Variants in USP33 observed in about 807,000 individuals in gnomAD.
The protein encoded by USP33 is ubiquitin carboxyl-terminal hydrolase 33.
In USP33, 46 loss-of-function variants were observed where a neutral mutation model predicts 124.2. That is an observed-to-expected ratio of 0.37 (90% CI 0.29 to 0.47). The LOEUF (loss-of-function observed/expected upper bound fraction) is 0.47, where lower values mean the gene tolerates loss of function less well. Ranked by LOEUF, USP33 falls within the 20% of genes least tolerant of loss-of-function variation. The pLI, the probability that USP33 is intolerant of heterozygous loss-of-function variation, is 0.99. For missense variants in USP33, 851 were observed against 1,070.6 expected (o/e 0.79, Z 2.86); for synonymous variants, 350 against 352.3 (o/e 0.99, Z 0.07).
intron 21 of USP33, among the ~76,000 whole-genome samples, chr1:77,702,900 TAGTAGTGTGTA>T (rs145387818): frequency 0.013 from 1,964 of 151,990 alleles, 38 homozygotes; most frequent in African/African-American, 0.044. Flanking sequence ...AATCTAATTG[TAGTAGTGTGTA>T]AGTAGTGTGT....
At chr1:77,708,182 T>G (rs1674839878) in intron 21 of USP33, among the ~76,000 whole-genome samples, 2 of 152,192 alleles carry the variant, frequency 1.3e-5, no homozygotes, top group South Asian at 4.1e-4. Context: ...TGAACATCAT[T>G]TTCATGTATT....
intron 22 of USP33, among the ~76,000 whole-genome samples, 159 bp downstream of exon 22, chr1:77,701,210 C>A (rs1471773216): frequency 1.3e-5 from 2 of 152,098 alleles, no homozygotes; most frequent in Non-Finnish European, 2.9e-5. Context: ...AATTTACAAC[C>A]AACAGAATAT....
chr1:77,739,782 C>T (rs1421954853), intron 4 of USP33, among the ~76,000 whole-genome samples: 1 of 152,162 alleles, frequency 6.6e-6, no homozygotes, highest in Non-Finnish European at 1.5e-5. Flanking sequence ...ACACAAATGA[C>T]ATGAGTCAAG....
intron 15 of USP33, 33 bp downstream of exon 15, chr1:77,721,139 C>T (rs763155378): frequency 2.5e-6 from 4 of 1,612,586 alleles, no homozygotes; most frequent in Non-Finnish European, 3.4e-6. Context: ...AAATACACAA[C>T]ATGCAATTAA....
chr1:77,752,803 C>T (rs1345893818), intron 1 of USP33, among the ~76,000 whole-genome samples: 4 of 152,016 alleles, frequency 2.6e-5, no homozygotes, highest in Admixed American at 6.6e-5. Context: ...ATTGGCTGGG[C>T]GTGGTGGCTC....
At chr1:77,729,781 A>T in intron 9 of USP33, 79 bp downstream of exon 9, 1 of 1,363,988 alleles carries the variant, frequency 7.3e-7, no homozygotes, top group Non-Finnish European at 1.0e-6. Flanking sequence ...CCCAAAAGAT[A>T]AGTAGACCCA....
chr1:77,709,407 C>A (rs968479736), intron 21 of USP33, among the ~76,000 whole-genome samples: 1 of 151,920 alleles, frequency 6.6e-6, no homozygotes, highest in Non-Finnish European at 1.5e-5. Flanking sequence ...CCTAGCTACT[C>A]GGGATGCTGA....
In USP33 at chr1:77,722,064, G is replaced by A. The variant is rs1676624587; in HGVS notation, c.1522C>T (p.Pro508Ser). The change falls in exon 13 of 24, where the codon CCA (proline) becomes TCA (serine). Residue 508 changes from proline to serine, a missense_variant. By Grantham distance (74) the Pro-to-Ser change is moderately conservative. This residue lies in a region of USP33 where 281 missense variants were observed against 425.0 expected (regional missense o/e 0.66). Coordinates refer to ENST00000370794, the MANE Select transcript of USP33 (RefSeq NM_201624.3). Reference protein sequence around the residue: ...KAGSCGEAYAPQGWIAFFMEY... With the variant: ...KAGSCGEAYASQGWIAFFMEY... ...ATGAAAAAAGCTATCCACCCTTGTG[G>A]AGCATATGCTTCGCCACATGATCCT... The A allele has an allele frequency of 6.2e-7, 1 of 1,613,870 alleles. No individual in the cohort carries two copies. The highest frequency in any genetic ancestry group is 1.7e-5 in the Admixed American group (1 of 59,974).
intron 10 of USP33, among the ~76,000 whole-genome samples, chr1:77,726,735 A>G (rs1477824122): frequency 1.3e-5 from 2 of 152,144 alleles, no homozygotes; most frequent in East Asian, 3.8e-4. Flanking sequence ...CCAAACTAAC[A>G]TAATAATCAA....
intron 15 of USP33, among the ~76,000 whole-genome samples, chr1:77,719,227 C>T (rs542223879): frequency 1.8e-4 from 27 of 152,132 alleles, no homozygotes; most frequent in South Asian, 1.2e-3. Context: ...GGCATGGTGG[C>T]GCACGCCTGT....
intron 11 of USP33, among the ~76,000 whole-genome samples, chr1:77,724,343 A>T (rs1412217716): frequency 6.6e-6 from 1 of 152,212 alleles, no homozygotes; most frequent in Non-Finnish European, 1.5e-5. Context: ...TTATAAATAC[A>T]TCCAACCTTA....
intron 14 of USP33, 110 bp downstream of exon 14, chr1:77,721,721 C>T (rs1233490151): frequency 8.5e-6 from 8 of 936,108 alleles, no homozygotes; most frequent in African/African-American, 3.4e-5. Flanking sequence ...TGTGAATGTA[C>T]TATTAAGCTG....
intron 1 of USP33, among the ~76,000 whole-genome samples, chr1:77,743,597 C>T (rs1265048307): frequency 6.6e-6 from 1 of 152,110 alleles, no homozygotes; most frequent in African/African-American, 2.4e-5. Context: ...GTCTCAGCCT[C>T]CCATGTAGCT....
At chr1:77,716,859 C>A (rs1675966230) in intron 17 of USP33, among the ~76,000 whole-genome samples, 2 of 149,392 alleles carry the variant, frequency 1.3e-5, no homozygotes, top group Non-Finnish European at 3.0e-5. Flanking sequence ...AAAACATATT[C>A]TTTTTTTTCT....
chr1:77,736,921 G>A (rs534175711), intron 5 of USP33, among the ~76,000 whole-genome samples: 275 of 151,900 alleles, frequency 1.8e-3, no homozygotes, highest in Non-Finnish European at 3.4e-3. Flanking sequence ...ACACTTTTAC[G>A]TATATTAAAT....
intron 19 of USP33, chr1:77,713,542 A>G: frequency 4.5e-6 from 1 of 222,642 alleles, no homozygotes; most frequent in Non-Finnish European, 8.2e-6. Context: ...GCTTCAACAC[A>G]CCCAGCTAAC....
At chr1:77,726,061 T>C (rs1677128028) in intron 10 of USP33, among the ~76,000 whole-genome samples, 1 of 152,332 alleles carries the variant, frequency 6.6e-6, no homozygotes, top group South Asian at 2.1e-4. Flanking sequence ...GCGATTCTTC[T>C]GCCTCAGCCT....
At chr1:77,755,176 T>A (rs912229924) in intron 1 of USP33, among the ~76,000 whole-genome samples, 1 of 152,176 alleles carries the variant, frequency 6.6e-6, no homozygotes, top group African/African-American at 2.4e-5. Context: ...AAAATATTCA[T>A]GTAAACCACA....
chr1:77,732,715 C>G (rs1242986623), intron 7 of USP33, among the ~76,000 whole-genome samples: 10 of 151,834 alleles, frequency 6.6e-5, no homozygotes. Context: ...GAGCATTCTG[C>G]TAGGAATGCT....
Sources: allele counts gnomAD v4.1 joint callset (sites outside exome capture counted in the v4.1 genomes callset), GRCh38; gene constraint gnomAD v4.1.1; regional missense constraint gnomAD v4.1.1; transcripts MANE v1.5; gene names NCBI Gene and HGNC (gene_info 2026-07-23, HGNC 2026-07-21).